The following TAF3 variants were observed in gnomAD, a reference collection of about 807,000 sequenced individuals.
The protein encoded by TAF3 is TATA-box binding protein associated factor 3.
Under a neutral mutation model 80.6 loss-of-function variants are expected in TAF3, and 7 were observed. The observed-to-expected ratio is 0.09, with a 90% CI of 0.05 to 0.16. TAF3 has a LOEUF of 0.16. Ranked by LOEUF, TAF3 falls within the 10% of genes least tolerant of loss-of-function variation. TAF3 has a pLI of 1.00. For synonymous variants in TAF3, 444 were observed against 446.1 expected, an observed-to-expected ratio of 1.00 and a Z score of 0.06; for missense variants, 921 against 1,140.2, an observed-to-expected ratio of 0.81 and a Z score of 2.77.
chr10:7,914,595 A>G (rs1455032616), intron 2 of TAF3, among the ~76,000 whole-genome samples: 1 of 152,154 alleles, frequency 6.6e-6, no homozygotes, highest in African/African-American at 2.4e-5. Flanking sequence ...AAGAAATTTT[A>G]TTTCATATGA....
chr10:7,896,511 T>C (rs1356892228), intron 2 of TAF3, among the ~76,000 whole-genome samples: 2 of 152,234 alleles, frequency 1.3e-5, no homozygotes, highest in African/African-American at 4.8e-5. Context: ...CATAGATCTC[T>C]AGTTGCCATA....
chr10:7,865,502 C>G (rs993453672), intron 2 of TAF3, among the ~76,000 whole-genome samples: 11 of 149,906 alleles, frequency 7.3e-5, no homozygotes, highest in East Asian at 2.0e-4. Flanking sequence ...AACAAACAAA[C>G]AAAGAAACAA....
At chr10:7,980,044 G>A (rs887583555) in intron 4 of TAF3, among the ~76,000 whole-genome samples, 5 of 152,184 alleles carry the variant, frequency 3.3e-5, no homozygotes, top group South Asian at 2.1e-4. Flanking sequence ...AGTCCATGGT[G>A]ATAATGGGGA....
chr10:7,907,586 C>T (rs542672988), intron 2 of TAF3, among the ~76,000 whole-genome samples: 1 of 152,270 alleles, frequency 6.6e-6, no homozygotes, highest in African/African-American at 2.4e-5. Context: ...GAGGGTAATA[C>T]AATAGCCAGA....
intron 2 of TAF3, among the ~76,000 whole-genome samples, chr10:7,956,915 G>A (rs944742972): frequency 6.6e-6 from 1 of 152,090 alleles, no homozygotes; most frequent in Non-Finnish European, 1.5e-5. Context: ...ACTGTTTTAG[G>A]TGTGATTCTT....
At chr10:7,829,260 T>C (rs1450756113) in intron 2 of TAF3, among the ~76,000 whole-genome samples, 1 of 152,206 alleles carries the variant, frequency 6.6e-6, no homozygotes, top group Non-Finnish European at 1.5e-5. Context: ...CCATTTCTTC[T>C]GTTATTAACC....
At chr10:7,976,208 A>G (rs890745769) in intron 3 of TAF3, among the ~76,000 whole-genome samples, 7 of 151,030 alleles carry the variant, frequency 4.6e-5, no homozygotes, top group South Asian at 2.1e-4. Context: ...CCACAAATCC[A>G]TTCCAAAAGA....
At chr10:7,858,848 G>T (rs1384377913) in intron 2 of TAF3, among the ~76,000 whole-genome samples, 3 of 137,692 alleles carry the variant, frequency 2.2e-5, no homozygotes, top group Admixed American at 1.6e-4. Flanking sequence ...GCATGTCACT[G>T]AATGTACGTG....
intron 2 of TAF3, among the ~76,000 whole-genome samples, chr10:7,920,939 A>G (rs867156041): frequency 6.6e-6 from 1 of 152,192 alleles, no homozygotes; most frequent in Non-Finnish European, 1.5e-5. Context: ...ACCTAGCTTT[A>G]ATGTAAACAT....
At chr10:7,861,107 A>G (rs867941470) in intron 2 of TAF3, among the ~76,000 whole-genome samples, 1 of 150,666 alleles carries the variant, frequency 6.6e-6, no homozygotes, top group Non-Finnish European at 1.5e-5. Flanking sequence ...GACTACAGGC[A>G]CCTGCCACTA....
chr10:7,887,533 A>G (rs2131160128), intron 2 of TAF3, among the ~76,000 whole-genome samples: 1 of 152,206 alleles, frequency 6.6e-6, no homozygotes, highest in East Asian at 1.9e-4. Context: ...AGGGAAAGGA[A>G]GCCGGAGATG....
intron 2 of TAF3, among the ~76,000 whole-genome samples, chr10:7,897,398 A>G (rs1019756716): frequency 4.6e-5 from 7 of 152,242 alleles, no homozygotes; most frequent in Admixed American, 3.3e-4. Flanking sequence ...TACTTGAGAA[A>G]TTCTGATCCG....
At chr10:7,996,104 C>T (rs1490021531) in intron 4 of TAF3, among the ~76,000 whole-genome samples, 1 of 152,282 alleles carries the variant, frequency 6.6e-6, no homozygotes, top group East Asian at 1.9e-4. Flanking sequence ...ATAATTGACC[C>T]TGAAACTTAG....
At chr10:7,930,503 C>A (rs890380086) in intron 2 of TAF3, among the ~76,000 whole-genome samples, 1 of 152,114 alleles carries the variant, frequency 6.6e-6, no homozygotes, top group Non-Finnish European at 1.5e-5. Flanking sequence ...ATGTTCAGTG[C>A]CTTTCTAAAG....
chr10:7,908,862 C>T (rs1455626980), intron 2 of TAF3, among the ~76,000 whole-genome samples: 1 of 152,266 alleles, frequency 6.6e-6, no homozygotes, highest in African/African-American at 2.4e-5. Flanking sequence ...CTTTAGAGGC[C>T]TTGTCCAAGC....
intron 5 of TAF3, among the ~76,000 whole-genome samples, chr10:8,012,874 G>T (rs919393512): frequency 6.6e-6 from 1 of 152,130 alleles, no homozygotes; most frequent in African/African-American, 2.4e-5. Context: ...AAAATAAACC[G>T]GATGCAATAA....
At chr10:8,002,942 T>C (rs1480323117) in intron 4 of TAF3, among the ~76,000 whole-genome samples, 4 of 152,194 alleles carry the variant, frequency 2.6e-5, no homozygotes, top group Non-Finnish European at 5.9e-5. Flanking sequence ...GTAGCCTTTA[T>C]TATCACTGAT....
intron 4 of TAF3, among the ~76,000 whole-genome samples, chr10:8,007,518 T>C (rs1832005741): frequency 6.9e-6 from 1 of 145,174 alleles, no homozygotes; most frequent in Non-Finnish European, 1.5e-5. Flanking sequence ...TTATCTCTGA[T>C]TATTACCTAA....
At chr10:8,014,485 C>T in intron 6 of TAF3, 152 bp from the exon 7 acceptor site, 2 of 600,368 alleles carry the variant, frequency 3.3e-6, no homozygotes, top group South Asian at 2.1e-5. Flanking sequence ...AGTCCGCATG[C>T]CCAACAATAG....
Sources: allele counts gnomAD v4.1 joint callset (sites outside exome capture counted in the v4.1 genomes callset), GRCh38; gene constraint gnomAD v4.1.1; transcripts MANE v1.5; gene names NCBI Gene and HGNC (gene_info 2026-07-23, HGNC 2026-07-21).